Variants in INO80D observed in about 807,000 individuals in gnomAD.
The protein encoded by INO80D is INO80 complex subunit D.
In INO80D, 21 loss-of-function variants were observed where a neutral mutation model predicts 87.6. That is an observed-to-expected ratio of 0.24 (90% CI 0.17 to 0.35). The LOEUF is 0.35. Ranked by LOEUF, INO80D falls within the 10% of genes least tolerant of loss-of-function variation. The probability of loss-of-function intolerance (pLI) is 1.00; values close to 1 mark genes in which losing one functional copy is unlikely to be tolerated. For synonymous variants in INO80D, 440 were observed against 491.0 expected (o/e 0.90, Z 1.37); for missense variants, 982 against 1,280.7 (o/e 0.77, Z 3.56).
chr2:206,068,058 T>G (rs976410795), intron 1 of INO80D, among the ~76,000 whole-genome samples: 16 of 152,210 alleles, frequency 1.1e-4, no homozygotes, highest in Admixed American at 7.2e-4. Flanking sequence ...TTGCCCGTAC[T>G]TCTGTTCCCA....
At chr2:206,019,370 T>C (rs1241241522) in intron 7 of INO80D, among the ~76,000 whole-genome samples, 1 of 152,246 alleles carries the variant, frequency 6.6e-6, no homozygotes, top group Non-Finnish European at 1.5e-5. Flanking sequence ...TGTAACTGTC[T>C]TAGAAGACTA....
rs1553616186 is a variant in INO80D, at chr2:206,025,542, A to AATATATATATATATATAT, written c.1298+2551_1298+2568dup. On this transcript the variant is annotated intron_variant, in intron 6 of 10. Coordinates refer to ENST00000403263, the MANE Select transcript of INO80D (RefSeq NM_017759.5). ...AAACTCCATCTCAAAAAAAAAAAAA[A>AATATATATATATATATAT]ATATATATATATATATATATATATA... 243 of 76,830 alleles carry AATATATATATATATATAT rather than the reference A, an allele frequency of 3.2e-3. 2 individuals are homozygous for AATATATATATATATATAT. Among genetic ancestry groups the AATATATATATATATATAT allele is most frequent in the Non-Finnish European group, 5.0e-3 (197 of 39,104 alleles). The allele number at this position is 76,830 out of a possible 1,614,324, so 4.8% of individuals were successfully genotyped here. A position where few individuals can be genotyped will look rare whatever the true frequency, so the allele number is the denominator to read the frequency against.
At chr2:206,059,979 C>T (rs564878137) in intron 3 of INO80D, among the ~76,000 whole-genome samples, 28 of 152,012 alleles carry the variant, frequency 1.8e-4, no homozygotes, top group Non-Finnish European at 4.1e-4. Flanking sequence ...CAAGGCAGGG[C>T]GATTGCTTGA....
rs912686543 is a variant in INO80D at position 206,085,252 on chromosome 2, G to A, written c.-124+649C>T. On this transcript the variant is annotated intron_variant, in intron 1 of 10. Coordinates refer to ENST00000403263, the MANE Select transcript of INO80D (RefSeq NM_017759.5). The surrounding 1 kb of genome is among the most constrained non-coding windows in gnomAD (Gnocchi z 4.5). Reference sequence around the variant, plus strand: ...CGACCCCACGCCCGCCAGGCCGCCCGCCCCGCCCCGCCCCGGCCTGGCCGT... The same window carrying A: ...CGACCCCACGCCCGCCAGGCCGCCCACCCCGCCCCGCCCCGGCCTGGCCGT... 1.3e-5 allele frequency among the ~76,000 whole-genome samples: 2 copies of A among 151,262 alleles called. No homozygotes were observed. The highest frequency in any genetic ancestry group is 2.4e-5 in the African/African-American group (1 of 41,212).
chr2:206,056,731 T>G lies in INO80D; in HGVS notation c.431A>C (p.Glu144Ala). Reference sequence around the variant, plus strand: ...AGCAAATGGGTCTTCCAATTCGGTTTCCAGGTAGTGGAGAGGGACCCTTGC... The same window carrying G: ...AGCAAATGGGTCTTCCAATTCGGTTGCCAGGTAGTGGAGAGGGACCCTTGC... Reference protein sequence around the residue: ...PGARVPLHYLETELEDPFAFN... With the variant: ...PGARVPLHYLATELEDPFAFN... Residue 144 changes from glutamate to alanine, a missense_variant, in exon 4 of 11, where the codon GAA becomes GCA. Transcript: ENST00000403263. 6.2e-7 allele frequency: 1 copy of G among 1,613,512 alleles called. No homozygotes were observed. The highest frequency in any genetic ancestry group is 8.5e-7 in the Non-Finnish European group (1 of 1,179,714).
intron 5 of INO80D, among the ~76,000 whole-genome samples, chr2:206,044,744 C>G (rs924234686): frequency 1.3e-5 from 2 of 152,136 alleles, no homozygotes; most frequent in Admixed American, 6.6e-5. Flanking sequence ...TCAAGGTTAC[C>G]TTAAGAATTA....
intron 6 of INO80D, among the ~76,000 whole-genome samples, chr2:206,023,396 GC>G (rs1264636503): frequency 6.6e-6 from 1 of 151,782 alleles, no homozygotes. Context: ...AATATAAAAA[GC>G]TGCCGGCTGG....
intron 1 of INO80D, among the ~76,000 whole-genome samples, chr2:206,065,143 C>A (rs1432112240): frequency 6.6e-6 from 1 of 152,104 alleles, no homozygotes; most frequent in African/African-American, 2.4e-5. Context: ...ACACAGGGGA[C>A]ACTGATGTGG....
intron 6 of INO80D, among the ~76,000 whole-genome samples, chr2:206,020,505 C>T (rs980604874): frequency 6.6e-6 from 1 of 152,276 alleles, no homozygotes. Flanking sequence ...GATACTGATA[C>T]GCAGAAATGG....
At chr2:206,035,838 G>A (rs1311835987) in intron 5 of INO80D, among the ~76,000 whole-genome samples, 3 of 152,028 alleles carry the variant, frequency 2.0e-5, no homozygotes, top group South Asian at 2.1e-4. Flanking sequence ...TCTGACAAAC[G>A]ACTAATATCC....
chr2:206,080,944 T>C (rs1192787712), intron 1 of INO80D, among the ~76,000 whole-genome samples: 1 of 149,650 alleles, frequency 6.7e-6, no homozygotes, highest in Non-Finnish European at 1.5e-5. Flanking sequence ...TAAAAATCTT[T>C]AGAAAAAAAT....
intron 5 of INO80D, among the ~76,000 whole-genome samples, chr2:206,041,910 G>A (rs1689061358): frequency 6.6e-6 from 1 of 152,136 alleles, no homozygotes; most frequent in African/African-American, 2.4e-5. Context: ...CACTTTGGGA[G>A]GCCAAGGTGG....
At chr2:206,065,770 A>G (rs1357380314) in intron 1 of INO80D, among the ~76,000 whole-genome samples, 1 of 152,226 alleles carries the variant, frequency 6.6e-6, no homozygotes, top group Non-Finnish European at 1.5e-5. Flanking sequence ...ACAAATGGCT[A>G]ACAAATATTT....
intron 1 of INO80D, among the ~76,000 whole-genome samples, chr2:206,078,205 G>T (rs1690175959): frequency 6.6e-6 from 1 of 151,690 alleles, no homozygotes. Flanking sequence ...ATCACCTGAG[G>T]TCAGGAGTTC....
rs1333675850 is a variant in INO80D, at chr2:205,999,040, G to A, written c.*5328C>T. ...ATGATGCAGGTTGGAGTCATTTTAG[G>A]GCAAATCAGTCTATTCCCCCAGGTA... On this transcript the variant is annotated 3_prime_UTR_variant, in exon 11 of 11. Coordinates refer to ENST00000403263, the MANE Select transcript of INO80D (RefSeq NM_017759.5). 1 of 152,086 alleles carries A rather than the reference G, an allele frequency of 6.6e-6. No individual in the cohort carries two copies. Among genetic ancestry groups the A allele is most frequent in the African/African-American group, 2.4e-5 (1 of 41,394 alleles). 9.4% of individuals were successfully genotyped at this position (152,086 alleles called of 1,614,324 possible).
At chr2:206,010,504 A>G (rs529054291) in intron 8 of INO80D, among the ~76,000 whole-genome samples, 1 of 151,942 alleles carries the variant, frequency 6.6e-6, no homozygotes, top group East Asian at 1.9e-4. Context: ...CACTGGCAAC[A>G]TTTTTTTTCT....
At position 206,004,306 on chromosome 2, in the gene INO80D, A is replaced by C; in HGVS notation, c.*62T>G. ...TTTAGGAAAAGGGGAGAGGGGTGCT[A>C]AAGAGGAAACAAAGATAGAAAACAC... On this transcript the variant is annotated 3_prime_UTR_variant, in exon 11 of 11. Transcript: ENST00000403263. This position sits in a 1 kb window ranked among gnomAD's most constrained non-coding sequence, Gnocchi z 4.9. 5 of 1,418,704 alleles carry C rather than the reference A, an allele frequency of 3.5e-6. No individual in the cohort carries two copies. In the Admixed American group the frequency reaches 1.0e-4, roughly 29 times the overall value. The allele number at this position is 1,418,704 out of a possible 1,614,324, so 87.9% of individuals were successfully genotyped here. A position where few individuals can be genotyped will look rare whatever the true frequency, so the allele number is the denominator to read the frequency against.
rs1687932607 is a variant in INO80D, at chr2:206,002,994, A to C, written c.*1374T>G. The C allele has an allele frequency of 6.6e-6, 1 of 152,204 alleles. No individual in the cohort carries two copies. The highest frequency in any genetic ancestry group is 6.5e-5 in the Admixed American group (1 of 15,270). The allele number at this position is 152,204 out of a possible 1,614,324, so 9.4% of individuals were successfully genotyped here. A position where few individuals can be genotyped will look rare whatever the true frequency, so the allele number is the denominator to read the frequency against. Reference sequence around the variant, plus strand: ...AAGAAACCTCACAAATTCATCTCATAGTCACAAACTTCCTAAACTACCCCA... The same window carrying C: ...AAGAAACCTCACAAATTCATCTCATCGTCACAAACTTCCTAAACTACCCCA... On this transcript the variant is annotated 3_prime_UTR_variant, in exon 11 of 11. Coordinates refer to ENST00000403263, the MANE Select transcript of INO80D (RefSeq NM_017759.5).
At chr2:206,059,740 C>CGTGTGTGT (rs144579335) in intron 3 of INO80D, among the ~76,000 whole-genome samples, 1 of 151,522 alleles carries the variant, frequency 6.6e-6, no homozygotes, top group Non-Finnish European at 1.5e-5. Context: ...GAATCTACAC[C>CGTGTGTGT]GTGTGTGTGT....
Sources: gnomAD v4.1 joint callset for allele counts (sites outside exome capture counted in the v4.1 genomes callset) on GRCh38, gnomAD v4.1.1 for gene constraint, Gnocchi (gnomAD v3.1) non-coding constraint, MANE v1.5 for transcripts, NCBI Gene and HGNC (gene_info 2026-07-23, HGNC 2026-07-21) for gene names.